TSNARE1: variants seen among roughly 807,000 people sequenced by gnomAD.
TSNARE1 encodes t-SNARE domain containing 1.
TSNARE1 carries 49 observed loss-of-function variants against 62.0 expected under a neutral mutation model. The ratio of observed to expected loss-of-function variants is 0.79; its 90% CI spans 0.63 to 1.00. The LOEUF is 1.00. Among genes scored for constraint, TSNARE1 ranks in the 50% least tolerant of loss-of-function variants. The pLI, the probability that TSNARE1 is intolerant of heterozygous loss-of-function variation, is 0.00. For synonymous variants in TSNARE1, 328 were observed against 294.4 expected (o/e 1.11, Z -1.17); for missense variants, 755 against 700.1 (o/e 1.08, Z -0.88).
Position 142,255,890 on chromosome 8 carries a change from CCACCACCACTGTCACCAT to C in TSNARE1, c.1446+18873_1446+18890del, listed in dbSNP as rs1563781502. On this transcript the variant is annotated intron_variant, in intron 12 of 13. Transcript: ENST00000524325. Reference sequence around the variant, plus strand: ...ACCACCATCATCACCATCACCACCACCACCACCACTGTCACCATCACCACCACCATCACCATCACCATC... The same window carrying C: ...ACCACCATCATCACCATCACCACCACCACCACCACCATCACCATCACCATC... Among the ~76,000 whole-genome samples the C allele has an allele frequency of 3.7e-3, 137 of 37,104 alleles. 8 individuals carry two copies. Among genetic ancestry groups the C allele is most frequent in the African/African-American group, 9.9e-3 (124 of 12,584 alleles). 24.3% of individuals were successfully genotyped at this position (37,104 alleles called of 152,430 possible).
At chr8:142,402,217 G>C (rs1378066126) in intron 1 of TSNARE1, among the ~76,000 whole-genome samples, 3 of 152,090 alleles carry the variant, frequency 2.0e-5, no homozygotes, top group Admixed American at 1.3e-4. Flanking sequence ...GAGAAGCACC[G>C]GCGGAGCAGC....
chr8:142,337,862 C>T (rs1395785409), intron 4 of TSNARE1, among the ~76,000 whole-genome samples: 4 of 152,190 alleles, frequency 2.6e-5, no homozygotes, highest in African/African-American at 4.8e-5. Context: ...TTGTTGGGTC[C>T]GGGAACCCTC....
At chr8:142,341,954 G>A (rs1454545695) in intron 4 of TSNARE1, among the ~76,000 whole-genome samples, 1 of 152,230 alleles carries the variant, frequency 6.6e-6, no homozygotes, top group East Asian at 1.9e-4. Flanking sequence ...CATGACAGCA[G>A]TGCTCTGTGT....
chr8:142,388,334 A>C (rs1292083705), intron 1 of TSNARE1, among the ~76,000 whole-genome samples: 1 of 152,132 alleles, frequency 6.6e-6, no homozygotes, highest in Non-Finnish European at 1.5e-5. Flanking sequence ...AGACATTCCT[A>C]ATAGGTGTCT....
At chr8:142,248,092 G>A (rs183638963) in intron 12 of TSNARE1, among the ~76,000 whole-genome samples, 19 of 152,178 alleles carry the variant, frequency 1.2e-4, no homozygotes, top group African/African-American at 3.1e-4. Context: ...CCCTCATGAC[G>A]GGGACCAAGG....
At chr8:142,389,482 A>G (rs147368169) in intron 1 of TSNARE1, among the ~76,000 whole-genome samples, 1,659 of 152,348 alleles carry the variant, frequency 0.011, 14 homozygotes, top group Non-Finnish European at 0.019. Context: ...TTTATCCTGC[A>G]CATATATCAC....
At chr8:142,335,978 G>A (rs556484331) in intron 4 of TSNARE1, among the ~76,000 whole-genome samples, 3 of 152,238 alleles carry the variant, frequency 2.0e-5, no homozygotes, top group African/African-American at 2.4e-5. Flanking sequence ...GAGCTTCTCC[G>A]ATGAGAGTAA....
rs114703523 is a variant in TSNARE1 at position 142,372,689 on chromosome 8, G to C, written c.-39-17926C>G. Among the ~76,000 whole-genome samples the C allele has an allele frequency of 3.1e-3, 473 of 152,266 alleles. 2 individuals carry two copies. The highest frequency in any genetic ancestry group is 0.011 in the African/African-American group (460 of 41,562). ...TGGAGGATGAGCTGAGCTCACATAC[G>C]CAGAAGGACCCGGAACATCCCCAAG... is the stretch of plus-strand genomic sequence containing the variant. On this transcript the variant is annotated intron_variant, in intron 1 of 13. Transcript: ENST00000524325.
rs915609652 is a variant in TSNARE1 at position 142,336,309 on chromosome 8, C to T, written c.746-4478G>A. The stretch of plus-strand genomic sequence containing the variant: ...AAAAAAAAAAAAAAAAAAAAAAAGG[C>T]AAGATCTTGCTCTACAGTATATACA... On this transcript the variant is annotated intron_variant, in intron 4 of 13. Coordinates refer to ENST00000524325, the MANE Select transcript of TSNARE1 (RefSeq NM_145003.5). 2.3e-5 allele frequency among the ~76,000 whole-genome samples: 3 copies of T among 129,610 alleles called. No individual in the cohort carries two copies. In the South Asian group the frequency reaches 7.2e-4, roughly 31 times the overall value. 85.0% of individuals were successfully genotyped at this position (129,610 alleles called of 152,430 possible). A position where few individuals can be genotyped will look rare whatever the true frequency, so the allele number is the denominator to read the frequency against.
intron 10 of TSNARE1, among the ~76,000 whole-genome samples, chr8:142,285,838 T>C (rs1822645324): frequency 6.6e-6 from 1 of 152,166 alleles, no homozygotes; most frequent in South Asian, 2.1e-4. Flanking sequence ...GTGGCTCTGA[T>C]GATCCTAAGA....
At chr8:142,357,530 C>CG (rs1413597359) in intron 1 of TSNARE1, among the ~76,000 whole-genome samples, 1 of 152,038 alleles carries the variant, frequency 6.6e-6, no homozygotes, top group Non-Finnish European at 1.5e-5. Flanking sequence ...GAGCAGGTGG[C>CG]GGCAGGAACC....
chr8:142,274,330 C>CA, intron 12 of TSNARE1: 2 of 985,450 alleles, frequency 2.0e-6, no homozygotes, highest in Non-Finnish European at 2.4e-6. Flanking sequence ...AAGGTAGCTC[C>CA]AAGTCCCACT....
chr8:142,370,533 A>G (rs978747304), intron 1 of TSNARE1, among the ~76,000 whole-genome samples: 4 of 152,162 alleles, frequency 2.6e-5, no homozygotes, highest in African/African-American at 9.7e-5. Context: ...GCACCACCGC[A>G]CTCCAGCCTG....
intron 12 of TSNARE1, among the ~76,000 whole-genome samples, chr8:142,236,332 C>A (rs1817421098): frequency 6.6e-6 from 1 of 151,546 alleles, no homozygotes; most frequent in African/African-American, 2.4e-5. Flanking sequence ...AGGTGGGGAG[C>A]CTGGCAGGGG....
At chr8:142,394,337 G>A (rs577809443) in intron 1 of TSNARE1, among the ~76,000 whole-genome samples, 28 of 152,264 alleles carry the variant, frequency 1.8e-4, no homozygotes, top group South Asian at 4.2e-4. Flanking sequence ...CGGACAGCTC[G>A]GACCTCTTAC....
intron 4 of TSNARE1, 149 bp downstream of exon 4, chr8:142,343,817 A>AGGGGG (rs1563952812): frequency 1.5e-5 from 3 of 197,844 alleles, no homozygotes; most frequent in African/African-American, 5.5e-4. Context: ...GGAGGAGGGG[A>AGGGGG]GAGGAGGAGG....
intron 9 of TSNARE1, among the ~76,000 whole-genome samples, chr8:142,308,318 G>A (rs759277348): frequency 1.3e-5 from 2 of 152,142 alleles, no homozygotes; most frequent in African/African-American, 4.8e-5. Flanking sequence ...GGTGCCTTCT[G>A]GATGTGCTAC....
intron 4 of TSNARE1, among the ~76,000 whole-genome samples, chr8:142,337,160 TATC>T (rs1413531828): frequency 1.3e-5 from 2 of 152,190 alleles, no homozygotes; most frequent in East Asian, 1.9e-4. Flanking sequence ...AAACTAATGA[TATC>T]AACATCTGGA....
chr8:142,333,239 C>A (rs1181001263), intron 4 of TSNARE1, among the ~76,000 whole-genome samples: 1 of 152,126 alleles, frequency 6.6e-6, no homozygotes, highest in Non-Finnish European at 1.5e-5. Context: ...GAAAAGTGAA[C>A]GGCAAGTAAA....
Sources: gnomAD v4.1 joint callset for allele counts (sites outside exome capture counted in the v4.1 genomes callset) on GRCh38, gnomAD v4.1.1 for gene constraint, MANE v1.5 for transcripts, NCBI Gene and HGNC (gene_info 2026-07-23, HGNC 2026-07-21) for gene names.